SDHAF3: variants seen among roughly 807,000 people sequenced by gnomAD.
The protein encoded by SDHAF3 is succinate dehydrogenase assembly factor 3, mitochondrial.
Under a neutral mutation model 11.5 loss-of-function variants are expected in SDHAF3, and 18 were observed. The ratio of observed to expected loss-of-function variants is 1.56; its 90% CI spans 1.08 to 2.32. SDHAF3 has a LOEUF of 2.32. SDHAF3 is among the 30% of genes most tolerant of loss of function. SDHAF3 has a pLI of 0.00. For synonymous variants in SDHAF3, 72 were observed against 59.3 expected, an observed-to-expected ratio of 1.21 and a Z score of -0.99; for missense variants, 200 against 154.4, an observed-to-expected ratio of 1.30 and a Z score of -1.57.
chr7:97,166,167 G>A (rs1319334734), intron 1 of SDHAF3, among the ~76,000 whole-genome samples: 1 of 152,184 alleles, frequency 6.6e-6, no homozygotes, highest in East Asian at 1.9e-4. Context: ...TCTGAGACAA[G>A]TCTAAACCAA....
intron 1 of SDHAF3, among the ~76,000 whole-genome samples, chr7:97,132,475 A>G (rs983073176): frequency 2.0e-5 from 3 of 152,208 alleles, no homozygotes; most frequent in Non-Finnish European, 4.4e-5. Context: ...GGTACCTATC[A>G]TCAGTGTCAT....
intron 1 of SDHAF3, among the ~76,000 whole-genome samples, chr7:97,131,521 G>A (rs567633891): frequency 3.5e-4 from 53 of 152,240 alleles, no homozygotes; most frequent in African/African-American, 1.1e-3. Flanking sequence ...TTTTTGAAAG[G>A]TTTCTTTGGG....
chr7:97,136,107 T>TTTGGTG (rs1791764758), intron 1 of SDHAF3, among the ~76,000 whole-genome samples: 1 of 126,302 alleles, frequency 7.9e-6, no homozygotes, highest in Non-Finnish European at 1.7e-5. Flanking sequence ...CAGTTAATGT[T>TTTGGTG]TCACCTGCAA....
intron 1 of SDHAF3, among the ~76,000 whole-genome samples, chr7:97,177,827 C>T (rs1285583855): frequency 6.6e-6 from 1 of 152,094 alleles, no homozygotes; most frequent in African/African-American, 2.4e-5. Context: ...TTATGATGAC[C>T]GTATTTTCTT....
chr7:97,160,177 G>A (rs1240489066), intron 1 of SDHAF3, among the ~76,000 whole-genome samples: 1 of 143,230 alleles, frequency 7.0e-6, no homozygotes, highest in African/African-American at 2.6e-5. Context: ...CCCCTGCCCG[G>A]CCACCCATCG....
At chr7:97,167,774 C>T (rs1609198) in intron 1 of SDHAF3, among the ~76,000 whole-genome samples, 2,622 of 152,176 alleles carry the variant, frequency 0.017, 65 homozygotes, top group African/African-American at 0.056. Context: ...GCCAGTTTAT[C>T]GATCTGGGTG....
At chr7:97,131,690 A>T (rs1791673005) in intron 1 of SDHAF3, among the ~76,000 whole-genome samples, 1 of 152,220 alleles carries the variant, frequency 6.6e-6, no homozygotes. Context: ...AATGTTTGGG[A>T]TTAATATGTG....
At chr7:97,176,667 G>C (rs1295184914) in intron 1 of SDHAF3, among the ~76,000 whole-genome samples, 1 of 151,952 alleles carries the variant, frequency 6.6e-6, no homozygotes, top group African/African-American at 2.4e-5. Context: ...GGGTTTTTTT[G>C]TTTCCTTTTC....
chr7:97,181,248 A>G lies in SDHAF3; in HGVS notation c.*33A>G. ...AACAAAGCTTAATAAGACATGCAAA[A>G]ATTTAGAACCCCTACTTTAACTGTC... On this transcript the variant is annotated 3_prime_UTR_variant, in exon 2 of 2. Transcript: ENST00000432641. The G allele has an allele frequency of 1.3e-6, 2 of 1,505,914 alleles. No homozygotes were observed. The highest frequency in any genetic ancestry group is 1.8e-6 in the Non-Finnish European group (2 of 1,107,062). The allele number at this position is 1,505,914 out of a possible 1,614,324, so 93.3% of individuals were successfully genotyped here. A position where few individuals can be genotyped will look rare whatever the true frequency, so the allele number is the denominator to read the frequency against.
intron 1 of SDHAF3, among the ~76,000 whole-genome samples, chr7:97,135,930 G>T (rs542390348): frequency 1.3e-5 from 2 of 151,560 alleles, no homozygotes; most frequent in African/African-American, 2.4e-5. Flanking sequence ...CTCGTGATCC[G>T]CCCGCCTCGG....
At chr7:97,121,853 T>G (rs1426634347) in intron 1 of SDHAF3, among the ~76,000 whole-genome samples, 12 of 122,760 alleles carry the variant, frequency 9.8e-5, no homozygotes, top group Non-Finnish European at 1.5e-4. Context: ...TTTTTTTTTT[T>G]GTTTTTTTTT....
intron 1 of SDHAF3, among the ~76,000 whole-genome samples, chr7:97,151,838 A>G (rs1278015894): frequency 6.6e-6 from 1 of 151,976 alleles, no homozygotes; most frequent in Non-Finnish European, 1.5e-5. Context: ...GTCTTTCCAG[A>G]TCCATCTTTA....
At chr7:97,177,589 T>C (rs746177300) in intron 1 of SDHAF3, among the ~76,000 whole-genome samples, 4 of 152,224 alleles carry the variant, frequency 2.6e-5, no homozygotes, top group Non-Finnish European at 5.9e-5. Flanking sequence ...TTACGGTAGA[T>C]CTTTTGGCAT....
chr7:97,154,962 G>C (rs1789280465), intron 1 of SDHAF3, among the ~76,000 whole-genome samples: 1 of 152,128 alleles, frequency 6.6e-6, no homozygotes, highest in South Asian at 2.1e-4. Flanking sequence ...TGTCAGTCTA[G>C]TGTTTTCTTT....
At chr7:97,132,673 G>A (rs1791688385) in intron 1 of SDHAF3, among the ~76,000 whole-genome samples, 1 of 152,064 alleles carries the variant, frequency 6.6e-6, no homozygotes, top group African/African-American at 2.4e-5. Context: ...GTGAATGAAG[G>A]CTGTCAGTGA....
At position 97,129,540 on chromosome 7, in the gene SDHAF3, A is replaced by C. The variant is rs73708863; in HGVS notation, c.174+11643A>C. 5.6e-3 allele frequency among the ~76,000 whole-genome samples: 852 copies of C among 152,292 alleles called. 9 individuals are homozygous for C. Among genetic ancestry groups the C allele is most frequent in the African/African-American group, 0.019 (782 of 41,546 alleles). On this transcript the variant is annotated intron_variant, in intron 1 of 1. Coordinates refer to ENST00000432641, the MANE Select transcript of SDHAF3 (RefSeq NM_020186.3). ...CTGGCTTTGGAAGGGAGAGGAGATA[A>C]AAAATAAGCTCTCGTGATATCCCCA...
intron 1 of SDHAF3, among the ~76,000 whole-genome samples, chr7:97,150,553 C>A (rs901624970): frequency 1.3e-4 from 17 of 133,200 alleles, no homozygotes; most frequent in Non-Finnish European, 2.2e-4. Context: ...TGAAAGGAAT[C>A]TTTTTTTCCT....
chr7:97,118,927 A>G (rs763728641), intron 1 of SDHAF3, among the ~76,000 whole-genome samples: 4 of 152,178 alleles, frequency 2.6e-5, no homozygotes, highest in Non-Finnish European at 4.4e-5. Flanking sequence ...ATCATGGTGT[A>G]TTTGATGTAA....
intron 1 of SDHAF3, among the ~76,000 whole-genome samples, chr7:97,122,100 G>T (rs770076285): frequency 1.3e-5 from 2 of 152,170 alleles, no homozygotes; most frequent in East Asian, 3.9e-4. Context: ...CTTATGATCC[G>T]CCCACCTGGG....
Sources: gnomAD v4.1 joint callset for allele counts (sites outside exome capture counted in the v4.1 genomes callset) on GRCh38, gnomAD v4.1.1 for gene constraint, MANE v1.5 for transcripts, NCBI Gene and HGNC (gene_info 2026-07-23, HGNC 2026-07-21) for gene names.